Variants in ARID2 observed in about 807,000 individuals in gnomAD.
ARID2 encodes AT-rich interactive domain-containing protein 2.
A neutral mutation model predicts 184.6 loss-of-function variants in ARID2; 32 were observed. That is an observed-to-expected ratio of 0.17 (90% CI 0.13 to 0.23). The LOEUF is 0.23. Among genes scored for constraint, ARID2 ranks in the 10% least tolerant of loss-of-function variants. The probability of loss-of-function intolerance (pLI) is 1.00; values close to 1 mark genes in which losing one functional copy is unlikely to be tolerated. For synonymous variants in ARID2, 836 were observed against 772.6 expected, an observed-to-expected ratio of 1.08 and a Z score of -1.36; for missense variants, 1,696 against 2,197.6, an observed-to-expected ratio of 0.77 and a Z score of 4.56.
intron 15 of ARID2, among the ~76,000 whole-genome samples, chr12:45,854,889 A>AATAAGATGAGGACTC (rs1943617938): frequency 2.6e-5 from 4 of 152,232 alleles, no homozygotes; most frequent in Admixed American, 2.0e-4. Context: ...AATTTATTAT[A>AATAAGATGAGGACTC]AAGATGAGGA....
intron 16 of ARID2, among the ~76,000 whole-genome samples, chr12:45,863,598 AAAAC>A (rs1943784747): frequency 6.6e-6 from 1 of 152,032 alleles, no homozygotes; most frequent in Admixed American, 6.5e-5. Flanking sequence ...TTTTAAAAAA[AAAAC>A]AAACCAGAAA....
intron 6 of ARID2, among the ~76,000 whole-genome samples, chr12:45,828,792 A>G (rs1461873136): frequency 6.6e-6 from 1 of 151,918 alleles, no homozygotes; most frequent in African/African-American, 2.4e-5. Flanking sequence ...TTAAATAATT[A>G]TCTTTTTGAT....
chr12:45,785,124 T>TA lies in ARID2; in HGVS notation c.285-26293dup, dbSNP rs1268417303. On this transcript the variant is annotated intron_variant, in intron 3 of 20. Transcript: ENST00000334344. The stretch of plus-strand genomic sequence containing the variant: ...GAAGAAGCCTCTCTTCTTATTTTCT[T>TA]ATATTCTCTTGCCAGAGTAGAGGTG... Among the ~76,000 whole-genome samples, 3 of 152,340 alleles carry TA rather than the reference T, an allele frequency of 2.0e-5. No homozygotes were observed. In the East Asian group the frequency reaches 5.8e-4, roughly 29 times the overall value.
rs2138164673 is a variant in ARID2, at chr12:45,850,732, T to A, written c.2609T>A (p.Phe870Tyr). ...NIVSATSVQNFQVATGQMVTI... is the reference protein window; with the variant it reads ...NIVSATSVQNYQVATGQMVTI... ...GTCTCAGCAACTTCAGTACAGAATT[T>A]TCAGGTAGCTACAGGACAAATGGTT... Residue 870 changes from phenylalanine to tyrosine, a missense_variant, in exon 15 of 21, where the codon TTT (phenylalanine) becomes TAT (tyrosine). This residue lies in a region of ARID2 where 713 missense variants were observed against 824.4 expected (regional missense o/e 0.86). Coordinates refer to ENST00000334344, the MANE Select transcript of ARID2 (RefSeq NM_152641.4). 1 of 1,614,052 alleles carries A rather than the reference T, an allele frequency of 6.2e-7. No homozygotes were observed. Among genetic ancestry groups the A allele is most frequent in the Non-Finnish European group, 8.5e-7 (1 of 1,179,972 alleles).
chr12:45,739,240 A>G lies in ARID2; in HGVS notation c.284+7926A>G, dbSNP rs138094427. 4.6e-3 allele frequency among the ~76,000 whole-genome samples: 693 copies of G among 152,084 alleles called. 10 individuals are homozygous for G. Among genetic ancestry groups the G allele is most frequent in the African/African-American group, 0.016 (659 of 41,496 alleles). ...GTGATTCACCTGCTTTGGCCTCCCA[A>G]AGTGCTGAGATTACAGGCGTGAGCC... On this transcript the variant is annotated intron_variant, in intron 3 of 20. Coordinates refer to ENST00000334344, the MANE Select transcript of ARID2 (RefSeq NM_152641.4).
intron 3 of ARID2, among the ~76,000 whole-genome samples, chr12:45,735,669 T>A (rs1460783499): frequency 6.6e-6 from 1 of 152,152 alleles, no homozygotes; most frequent in Non-Finnish European, 1.5e-5. Flanking sequence ...TTTTCTGATA[T>A]TCTGTTACGT....
In ARID2 at chr12:45,731,120, A is replaced by G. The variant is rs918571490; in HGVS notation, c.187-97A>G. Reference sequence around the variant, plus strand: ...CGAAACACCCACTGATGCCTTAGGTATCTACAGATCTCTGTAGAATGGGTA... The same window carrying G: ...CGAAACACCCACTGATGCCTTAGGTGTCTACAGATCTCTGTAGAATGGGTA... On this transcript the variant is annotated intron_variant, in intron 2 of 20. Coordinates refer to ENST00000334344, the MANE Select transcript of ARID2 (RefSeq NM_152641.4). 1.7e-5 allele frequency: 15 copies of G among 858,696 alleles called. No individual in the cohort carries two copies. The African/African-American group carries it at 2.5e-4, about 14-fold the overall frequency. The allele number at this position is 858,696 out of a possible 1,614,324, so 53.2% of individuals were successfully genotyped here.
chr12:45,877,604 C>G, intron 16 of ARID2, among the ~76,000 whole-genome samples: 1 of 152,030 alleles, frequency 6.6e-6, no homozygotes, highest in Non-Finnish European at 1.5e-5. Context: ...TCCCCCCAAC[C>G]CCTGGTCCAT....
intron 3 of ARID2, among the ~76,000 whole-genome samples, chr12:45,747,405 G>C (rs1199398560): frequency 6.6e-6 from 1 of 152,036 alleles, no homozygotes; most frequent in East Asian, 1.9e-4. Flanking sequence ...TGCAGAATTA[G>C]AGTTTAGTTT....
chr12:45,747,628 T>A (rs551722435), intron 3 of ARID2, among the ~76,000 whole-genome samples: 1 of 152,196 alleles, frequency 6.6e-6, no homozygotes, highest in Non-Finnish European at 1.5e-5. Flanking sequence ...TCTGAAAGAA[T>A]TGAAAATTTC....
intron 11 of ARID2, chr12:45,841,270 C>A (rs933551311): frequency 6.6e-6 from 1 of 152,150 alleles, no homozygotes; most frequent in South Asian, 2.1e-4. Flanking sequence ...AGCAAATGAA[C>A]CTACTTCTCA....
In ARID2 at chr12:45,851,295, A is replaced by T. The variant is rs1358989447; in HGVS notation, c.3172A>T (p.Ser1058Cys). ...TGGTCAGCCTGCCTCTGGTGAGTCG[A>T]GTCTGATTAAACAGCTTCTGCTTCC... Reference protein sequence around the residue: ...GVGQPASGESSLIKQLLLPKR... With the variant: ...GVGQPASGESCLIKQLLLPKR... The change falls in exon 15 of 21, where the codon AGT becomes TGT. Residue 1058 changes from serine to cysteine, a missense_variant. Ser to Cys is a moderately radical substitution (Grantham distance 112). This residue lies in a region of ARID2 where 713 missense variants were observed against 824.4 expected (regional missense o/e 0.86). Coordinates refer to ENST00000334344, the MANE Select transcript of ARID2 (RefSeq NM_152641.4). 1 of 1,614,146 alleles carries T rather than the reference A, an allele frequency of 6.2e-7. No homozygotes were observed. Among genetic ancestry groups the T allele is most frequent in the Non-Finnish European group, 8.5e-7 (1 of 1,180,020 alleles).
intron 16 of ARID2, among the ~76,000 whole-genome samples, chr12:45,878,121 G>GT (rs1471380952): frequency 6.6e-6 from 1 of 152,064 alleles, no homozygotes; most frequent in Non-Finnish European, 1.5e-5. Context: ...CAGTAAGTTG[G>GT]TTTTTTCCCT....
chr12:45,747,667 T>G (rs1344759642), intron 3 of ARID2, among the ~76,000 whole-genome samples: 2 of 152,204 alleles, frequency 1.3e-5, no homozygotes, highest in Non-Finnish European at 2.9e-5. Flanking sequence ...GTATAGCATT[T>G]CATTCGTCTG....
At chr12:45,791,995 G>A (rs1435582964) in intron 3 of ARID2, among the ~76,000 whole-genome samples, 1 of 152,114 alleles carries the variant, frequency 6.6e-6, no homozygotes, top group Non-Finnish European at 1.5e-5. Flanking sequence ...TCACCAGAAA[G>A]TAATCAATTT....
intron 3 of ARID2, among the ~76,000 whole-genome samples, chr12:45,774,655 C>T (rs1250577514): frequency 6.6e-6 from 1 of 152,074 alleles, no homozygotes; most frequent in South Asian, 2.1e-4. Flanking sequence ...GACGATTCCT[C>T]CCTCCAAAGT....
chr12:45,815,116 A>C (rs1433543872), intron 4 of ARID2, among the ~76,000 whole-genome samples: 1 of 152,188 alleles, frequency 6.6e-6, no homozygotes, highest in East Asian at 1.9e-4. Context: ...TGAAAACATA[A>C]ACTTTAGGAC....
chr12:45,785,672 A>G (rs1942183483), intron 3 of ARID2, among the ~76,000 whole-genome samples: 1 of 152,158 alleles, frequency 6.6e-6, no homozygotes. Flanking sequence ...TTGAATTTTC[A>G]GATTAGAGAA....
Position 45,849,793 on chromosome 12 carries a change from T to C in ARID2, c.1912+17T>C, listed in dbSNP as rs1160461849. ...CACCTGCAGGTGTTAATTTTTATTG[T>C]ATTTTTAAAGTATTACTGATTTAAT... On this transcript the variant is annotated intron_variant, in intron 14 of 20. Transcript: ENST00000334344. 1 of 1,599,424 alleles carries C rather than the reference T, an allele frequency of 6.3e-7. No homozygotes were observed. The highest frequency in any genetic ancestry group is 8.5e-7 in the Non-Finnish European group (1 of 1,171,686).
Sources: gnomAD v4.1 joint callset for allele counts (sites outside exome capture counted in the v4.1 genomes callset) on GRCh38, gnomAD v4.1.1 for gene constraint, gnomAD v4.1.1 regional missense constraint, MANE v1.5 for transcripts, NCBI Gene and HGNC (gene_info 2026-07-23, HGNC 2026-07-21) for gene names.